The following LYRM4 variants were observed in gnomAD, a reference collection of about 807,000 sequenced individuals.
LYRM4 encodes LYR motif-containing protein 4.
A neutral mutation model predicts 11.7 loss-of-function variants in LYRM4; 9 were observed. The ratio of observed to expected loss-of-function variants is 0.77; its 90% CI spans 0.46 to 1.34. LYRM4 has a LOEUF of 1.34. Ranked by LOEUF, LYRM4 falls within the 40% of genes most tolerant of loss-of-function variation. The probability of loss-of-function intolerance (pLI) is 0.00; values close to 1 mark genes in which losing one functional copy is unlikely to be tolerated. For missense variants in LYRM4, 133 were observed against 112.5 expected (o/e 1.18, Z -0.82); for synonymous variants, 42 against 40.4 (o/e 1.04, Z -0.15).
chr6:5,179,502 T>C (rs1189467687), intron 2 of LYRM4, among the ~76,000 whole-genome samples: 1 of 152,202 alleles, frequency 6.6e-6, no homozygotes, highest in Admixed American at 6.5e-5. Flanking sequence ...TAGTAGCTCA[T>C]ATAATTGGAA....
At chr6:5,098,012 AG>A in the LYRM4 span, among the ~76,000 whole-genome samples, 1 of 152,182 alleles carries the variant, frequency 6.6e-6, no homozygotes, top group African/African-American at 2.4e-5. Context: ...TTTTAGAGAT[AG>A]GATCTTGCTA....
At chr6:5,138,602 A>G (rs1757240274) in intron 2 of LYRM4, 4 of 633,966 alleles carry the variant, frequency 6.3e-6, no homozygotes, top group Middle Eastern at 2.9e-4. Flanking sequence ...TTTCCAGACT[A>G]AGTCACAAGA....
the LYRM4 span, among the ~76,000 whole-genome samples, chr6:5,055,668 C>T: frequency 2.0e-5 from 3 of 152,160 alleles, no homozygotes; most frequent in Admixed American, 6.5e-5. The surrounding 1 kb of genome is among the most constrained non-coding windows in gnomAD (Gnocchi z 4.5). Context: ...TACCTTCACT[C>T]TACCCTCCAC....
intron 2 of LYRM4, among the ~76,000 whole-genome samples, chr6:5,144,987 C>G (rs1424771196): frequency 6.6e-6 from 1 of 152,128 alleles, no homozygotes; most frequent in Non-Finnish European, 1.5e-5. Flanking sequence ...TGGGGTGGCT[C>G]CCGGAGAAGG....
chr6:5,245,116 ATATATATATATATATATATATATATATAT>A (rs1764120298), intron 1 of LYRM4, among the ~76,000 whole-genome samples: 5 of 14,712 alleles, frequency 3.4e-4, no homozygotes, highest in Admixed American at 9.7e-4. Context: ...AAAAAAAAAT[ATATATATATATATATATATATATATATAT>A]ATATATATAT....
intron 1 of LYRM4, chr6:5,236,442 GCGACAGAGTGAGACTCCAT>G (rs1223942663): frequency 1.3e-5 from 2 of 151,734 alleles, no homozygotes; most frequent in Non-Finnish European, 2.9e-5. Context: ...TCCAGCCTGG[GCGACAGAGTGAGACTCCAT>G]CTAAAAAAAA....
the LYRM4 span, among the ~76,000 whole-genome samples, chr6:5,039,898 A>G: frequency 6.6e-6 from 1 of 152,250 alleles, no homozygotes; most frequent in Non-Finnish European, 1.5e-5. Context: ...TTGAAACAAG[A>G]ATAGAAAATA....
the LYRM4 span, among the ~76,000 whole-genome samples, chr6:5,069,724 C>G: frequency 6.6e-6 from 1 of 152,312 alleles, no homozygotes; most frequent in African/African-American, 2.4e-5. Flanking sequence ...CATGATCCGC[C>G]TGCCTCAGCC....
chr6:5,244,690 G>A (rs974171413), intron 1 of LYRM4, among the ~76,000 whole-genome samples: 5 of 152,070 alleles, frequency 3.3e-5, no homozygotes, highest in South Asian at 2.1e-4. Flanking sequence ...CACCTAGCAT[G>A]AGGCACCGAG....
At chr6:5,248,686 T>A (rs1460085377) in intron 1 of LYRM4, among the ~76,000 whole-genome samples, 8 of 152,254 alleles carry the variant, frequency 5.3e-5, no homozygotes, top group African/African-American at 1.7e-4. Flanking sequence ...TCAGCTCCGA[T>A]CCCCTTTCGG....
chr6:5,144,208 G>A, intron 2 of LYRM4: 1 of 1,536,934 alleles, frequency 6.5e-7, no homozygotes, highest in African/African-American at 1.4e-5. Flanking sequence ...GGCTTCCCCA[G>A]GCTCCGGCTG....
the LYRM4 span, among the ~76,000 whole-genome samples, chr6:5,067,905 T>G: frequency 6.6e-6 from 1 of 152,242 alleles, no homozygotes; most frequent in Non-Finnish European, 1.5e-5. Context: ...TGATTTCAAC[T>G]TTGCAAGAAC....
intron 1 of LYRM4, among the ~76,000 whole-genome samples, chr6:5,257,543 G>C (rs979628446): frequency 6.6e-6 from 1 of 152,196 alleles, no homozygotes; most frequent in African/African-American, 2.4e-5. Flanking sequence ...CAACCCATCA[G>C]TACTGGTCCG....
At chr6:5,101,102 C>T (rs1331493765), downstream of LYRM4, among the ~76,000 whole-genome samples, 3 of 152,188 alleles carry the variant, frequency 2.0e-5, no homozygotes, top group African/African-American at 7.2e-5. Flanking sequence ...TGTTCCCTTG[C>T]ATAGCAGCTC....
At chr6:5,242,248 A>G (rs1414328948) in intron 1 of LYRM4, among the ~76,000 whole-genome samples, 1 of 151,290 alleles carries the variant, frequency 6.6e-6, no homozygotes, top group Non-Finnish European at 1.5e-5. Flanking sequence ...AATTTTTTGT[A>G]TTTTTAGTAA....
chr6:5,068,663 G>C, the LYRM4 span, among the ~76,000 whole-genome samples: 1 of 152,096 alleles, frequency 6.6e-6, no homozygotes, highest in Admixed American at 6.6e-5. The surrounding 1 kb of genome is among the most constrained non-coding windows in gnomAD (Gnocchi z 4.0). Context: ...TTGGAAAGGG[G>C]ACACTGGAAC....
chr6:5,037,828 C>G, the LYRM4 span, among the ~76,000 whole-genome samples: 1 of 61,096 alleles, frequency 1.6e-5, no homozygotes, highest in Non-Finnish European at 4.0e-5. Flanking sequence ...ACCCCCCCTC[C>G]CCCCTCCCGG....
chr6:5,097,510 G>A, the LYRM4 span, among the ~76,000 whole-genome samples: 1 of 152,114 alleles, frequency 6.6e-6, no homozygotes, highest in African/African-American at 2.4e-5. Flanking sequence ...CACCGCACCT[G>A]GATCATTTTT....
chr6:5,208,980 C>T lies in LYRM4; in HGVS notation c.207+7638G>A, dbSNP rs140179409. 1.4e-4 allele frequency among the ~76,000 whole-genome samples: 22 copies of T among 152,252 alleles called. No individual in the cohort carries two copies. In the East Asian group the frequency reaches 4.2e-3, roughly 29 times the overall value. On this transcript the variant is annotated intron_variant, in intron 2 of 2. Coordinates refer to ENST00000330636, the MANE Select transcript of LYRM4 (RefSeq NM_020408.6). ...AAAGATATAGGGTTCACTTAGGGGGCAGTTCTGGTCATTGTATATAAATTC... is the reference window on the plus strand; with the variant it reads ...AAAGATATAGGGTTCACTTAGGGGGTAGTTCTGGTCATTGTATATAAATTC...
Sources: allele counts gnomAD v4.1 joint callset (sites outside exome capture counted in the v4.1 genomes callset), GRCh38; gene constraint gnomAD v4.1.1; non-coding constraint Gnocchi (gnomAD v3.1); transcripts MANE v1.5; gene names NCBI Gene and HGNC (gene_info 2026-07-23, HGNC 2026-07-21).